SULF2: variants seen among roughly 807,000 people sequenced by gnomAD.
SULF2 encodes sulfatase 2.
Under a neutral mutation model 107.7 loss-of-function variants are expected in SULF2, and 52 were observed. That is an observed-to-expected ratio of 0.48 (90% CI 0.39 to 0.61). The LOEUF (loss-of-function observed/expected upper bound fraction) is 0.61. Ranked by LOEUF, SULF2 falls within the 20% of genes least tolerant of loss-of-function variation. The pLI is 0.00. For synonymous variants in SULF2, 460 were observed against 464.3 expected, an observed-to-expected ratio of 0.99 and a Z score of 0.12; for missense variants, 993 against 1,177.3, an observed-to-expected ratio of 0.84 and a Z score of 2.29.
At chr20:47,690,037 G>A in intron 5 of SULF2, 89 bp downstream of exon 5, 1 of 1,224,868 alleles carries the variant, frequency 8.2e-7, no homozygotes, top group East Asian at 2.9e-5. Flanking sequence ...GCACAGTGAA[G>A]TCATGGTGGT....
chr20:47,671,413 C>G (rs2087466919), intron 11 of SULF2, among the ~76,000 whole-genome samples: 1 of 152,118 alleles, frequency 6.6e-6, no homozygotes, highest in African/African-American at 2.4e-5. Context: ...TCAAGCGACT[C>G]TGCTGCCACA....
At position 47,680,570 on chromosome 20, in the gene SULF2, G is replaced by A. The variant is rs968931452; in HGVS notation, c.1065-1766C>T. Among the ~76,000 whole-genome samples the A allele has an allele frequency of 4.6e-5, 7 of 152,204 alleles. No homozygotes were observed. The highest frequency in any genetic ancestry group is 1.7e-4 in the African/African-American group (7 of 41,444). Reference sequence around the variant, plus strand: ...GCAGGGCCTGGGTCCTAGGGTTTCCGTCATCTTTAACCCCTCATCTCTCCC... The same window carrying A: ...GCAGGGCCTGGGTCCTAGGGTTTCCATCATCTTTAACCCCTCATCTCTCCC... On this transcript the variant is annotated intron_variant, in intron 7 of 20. Coordinates refer to ENST00000688720, the MANE Select transcript of SULF2 (RefSeq NM_001387048.1). The surrounding 1 kb of genome is among the most constrained non-coding windows in gnomAD (Gnocchi z 4.2).
At chr20:47,695,173 A>C (rs1345661543) in intron 4 of SULF2, among the ~76,000 whole-genome samples, 1 of 152,204 alleles carries the variant, frequency 6.6e-6, no homozygotes, top group Non-Finnish European at 1.5e-5. Context: ...GAAAGCAGCT[A>C]TCAGGAAAAT....
At chr20:47,780,546 G>A (rs2090812025) in intron 1 of SULF2, among the ~76,000 whole-genome samples, 2 of 152,020 alleles carry the variant, frequency 1.3e-5, no homozygotes, top group South Asian at 4.2e-4. Flanking sequence ...ACATCATGCA[G>A]TCATTTTTCT....
At position 47,710,679 on chromosome 20, in the gene SULF2, G is replaced by A. The variant is rs11086221; in HGVS notation, c.416-8009C>T. Among the ~76,000 whole-genome samples the A allele has an allele frequency of 4.7e-3, 702 of 148,850 alleles. 22 individuals carry two copies. Among genetic ancestry groups the A allele is most frequent in the South Asian group, 0.046 (221 of 4,822 alleles). On this transcript the variant is annotated intron_variant, in intron 3 of 20. Transcript: ENST00000688720. ...ATTTTCATTATCCACCAATGGGCCC[G>A]TCCCCTGTTATAGCCAACTTCTTGC...
At chr20:47,775,351 T>C (rs2090706129) in intron 1 of SULF2, among the ~76,000 whole-genome samples, 1 of 152,244 alleles carries the variant, frequency 6.6e-6, no homozygotes, top group Non-Finnish European at 1.5e-5. Flanking sequence ...AGCTCCCATC[T>C]GGTGACCAGC....
At chr20:47,692,553 G>A (rs542381370) in intron 4 of SULF2, among the ~76,000 whole-genome samples, 1 of 152,160 alleles carries the variant, frequency 6.6e-6, no homozygotes, top group African/African-American at 2.4e-5. Flanking sequence ...TAGGACTATA[G>A]GCATGTGCCA....
intron 1 of SULF2, among the ~76,000 whole-genome samples, chr20:47,770,336 C>G (rs1473491744): frequency 6.6e-6 from 1 of 152,116 alleles, no homozygotes; most frequent in Admixed American, 6.5e-5. Context: ...GCTGGGATTA[C>G]AAGCATGAGC....
At chr20:47,672,117 G>A (rs913995572) in intron 11 of SULF2, 81 bp downstream of exon 11, 1 of 1,415,112 alleles carries the variant, frequency 7.1e-7, no homozygotes, top group African/African-American at 1.4e-5. Context: ...AGTCTCTGTG[G>A]AACTGTCGGA....
rs145992082 is a variant in SULF2, at chr20:47,760,554, C to A, written c.-100-3091G>T. 9.4e-3 allele frequency among the ~76,000 whole-genome samples: 1,435 copies of A among 152,272 alleles called. 12 individuals are homozygous for A. Among genetic ancestry groups the A allele is most frequent in the Middle Eastern group, 0.02 (6 of 294 alleles). ...ATCATTTCTTTGCTCCCTTTGCCCA[C>A]CTGCCTCTGAAAACAGTGCTTTCAA... On this transcript the variant is annotated intron_variant, in intron 1 of 20. Transcript: ENST00000688720.
intron 1 of SULF2, among the ~76,000 whole-genome samples, chr20:47,771,393 ATG>A (rs10606688): frequency 0.13 from 19,563 of 152,128 alleles, 1,863 homozygotes; most frequent in East Asian, 0.52. Context: ...GCTCAGTTCT[ATG>A]TACGCCAGAA....
intron 2 of SULF2, among the ~76,000 whole-genome samples, chr20:47,742,039 G>A (rs758073086): frequency 6.6e-6 from 1 of 152,182 alleles, no homozygotes; most frequent in African/African-American, 2.4e-5. Context: ...GCGGAGGAGC[G>A]CTGTGTCAAT....
intron 18 of SULF2, 143 bp downstream of exon 18, chr20:47,661,630 G>T: frequency 1.3e-6 from 1 of 796,654 alleles, no homozygotes; most frequent in Middle Eastern, 4.3e-4. Flanking sequence ...CTATGGACAG[G>T]GGCTCCCATG....
At chr20:47,784,365 G>T (rs1183444072) in intron 1 of SULF2, among the ~76,000 whole-genome samples, 1 of 152,124 alleles carries the variant, frequency 6.6e-6, no homozygotes, top group African/African-American at 2.4e-5. Flanking sequence ...TTTCCAGAAA[G>T]GGGGGCAGGG....
chr20:47,681,066 C>T (rs563466826), intron 7 of SULF2, among the ~76,000 whole-genome samples: 1 of 152,288 alleles, frequency 6.6e-6, no homozygotes, highest in African/African-American at 2.4e-5. Context: ...GCTTCCTAAA[C>T]AGGATGGCTG....
intron 2 of SULF2, among the ~76,000 whole-genome samples, chr20:47,746,991 AAAAAT>A (rs1355892472): frequency 7.9e-4 from 66 of 83,060 alleles, no homozygotes; most frequent in Non-Finnish European, 1.3e-3. Context: ...ATAAAAAAAA[AAAAAT>A]ATATATATAT....
chr20:47,752,965 G>A (rs550977526), intron 2 of SULF2, among the ~76,000 whole-genome samples: 4 of 151,860 alleles, frequency 2.6e-5, no homozygotes, highest in Non-Finnish European at 5.9e-5. Context: ...GCTGGGTGTG[G>A]TAGCGGGCAC....
intron 1 of SULF2, among the ~76,000 whole-genome samples, chr20:47,780,962 A>G (rs1025495276): frequency 1.3e-5 from 2 of 152,274 alleles, no homozygotes; most frequent in Admixed American, 1.3e-4. Flanking sequence ...TAGAATATAC[A>G]CATGACATAT....
chr20:47,710,696 A>G (rs1395684214), intron 3 of SULF2, among the ~76,000 whole-genome samples: 1 of 148,704 alleles, frequency 6.7e-6, no homozygotes, highest in Non-Finnish European at 1.5e-5. Flanking sequence ...GTTATAGCCA[A>G]CTTCTTGCTG....
Sources: allele counts gnomAD v4.1 joint callset (sites outside exome capture counted in the v4.1 genomes callset), GRCh38; gene constraint gnomAD v4.1.1; non-coding constraint Gnocchi (gnomAD v3.1); transcripts MANE v1.5; gene names NCBI Gene and HGNC (gene_info 2026-07-23, HGNC 2026-07-21).